Variants in ABCC2 observed in about 807,000 individuals in gnomAD.
ABCC2 encodes the protein ATP binding cassette subfamily C member 2.
Under a neutral mutation model 173.4 loss-of-function variants are expected in ABCC2, and 157 were observed. That is an observed-to-expected ratio of 0.91 (90% CI 0.80 to 1.03). ABCC2 has a LOEUF of 1.03. Ranked by LOEUF, ABCC2 falls within the 50% of genes least tolerant of loss-of-function variation. The pLI is 0.00. For missense variants in ABCC2, 1,822 were observed against 1,852.3 expected, an observed-to-expected ratio of 0.98 and a Z score of 0.30; for synonymous variants, 657 against 693.5, an observed-to-expected ratio of 0.95 and a Z score of 0.83.
At chr10:99,817,651 C>T (rs1038213563) in intron 17 of ABCC2, among the ~76,000 whole-genome samples, 167 bp downstream of exon 17, 5 of 152,088 alleles carry the variant, frequency 3.3e-5, no homozygotes, top group Non-Finnish European at 5.9e-5. Context: ...CACAATATTC[C>T]ATGTAAATAA....
Position 99,814,351 on chromosome 10 carries a change from G to A in ABCC2, c.2094+1207G>A, listed in dbSNP as rs543768750. Among the ~76,000 whole-genome samples, 120 of 131,020 alleles carry A rather than the reference G, an allele frequency of 9.2e-4. 6 individuals carry two copies. The highest frequency in any genetic ancestry group is 5.2e-3 in the South Asian group (21 of 4,054). The allele number at this position is 131,020 out of a possible 152,430, so 86.0% of individuals were successfully genotyped here. ...TATACACACATGTATATATACACAC[G>A]TATGTATACACACATGTATATATAC... On this transcript the variant is annotated intron_variant, in intron 16 of 31. Coordinates refer to ENST00000647814, the MANE Select transcript of ABCC2 (RefSeq NM_000392.5).
chr10:99,832,107 C>T lies in ABCC2; in HGVS notation c.3234C>T (p.Gly1078=). ...PMRFFDTTPT[G]RIVNRFAGDI... ...GATTTTTTGACACAACACCCACAGG[C>T]CGGATTGTGAACAGGTTTGCCGGCG... is the stretch of plus-strand genomic sequence containing the variant. Residue 1078 remains glycine (G), a synonymous_variant, in exon 23 of 32, where the codon GGC becomes GGT. Transcript: ENST00000647814. 5 of 1,614,158 alleles carry T rather than the reference C, an allele frequency of 3.1e-6. No individual in the cohort carries two copies. The highest frequency in any genetic ancestry group is 4.2e-6 in the Non-Finnish European group (5 of 1,180,018).
At chr10:99,798,812 G>A (rs181615325) in intron 7 of ABCC2, among the ~76,000 whole-genome samples, 8 of 152,074 alleles carry the variant, frequency 5.3e-5, no homozygotes, top group Admixed American at 4.6e-4. Flanking sequence ...ATAGCTTTTG[G>A]GGGTGGGGAT....
intron 28 of ABCC2, among the ~76,000 whole-genome samples, chr10:99,844,900 C>T (rs1175559185): frequency 2.6e-5 from 4 of 152,154 alleles, no homozygotes; most frequent in African/African-American, 4.8e-5. Context: ...TGTTGTTCTC[C>T]GAGGACTTGG....
In ABCC2 at chr10:99,831,688, G is replaced by A. The variant is rs755189568; in HGVS notation, c.2961G>A (p.Val987=). 6.2e-7 allele frequency: 1 copy of A among 1,614,194 alleles called. No homozygotes were observed. Among genetic ancestry groups the A allele is most frequent in the Non-Finnish European group, 8.5e-7 (1 of 1,180,030 alleles). ...FSIFFIILAF[V]MNSVAFIGSN... is the part of the protein sequence containing the mutation. Reference sequence around the variant, plus strand: ...TATTCTTCATCATCCTTGCGTTTGTGATGAATTCTGTGGCTTTTATTGGAT... The same window carrying A: ...TATTCTTCATCATCCTTGCGTTTGTAATGAATTCTGTGGCTTTTATTGGAT... Residue 987 remains valine, a synonymous_variant, in exon 22 of 32, where the codon GTG becomes GTA. Transcript: ENST00000647814.
chr10:99,828,253 C>T (rs1034566631), intron 19 of ABCC2, among the ~76,000 whole-genome samples: 2 of 151,936 alleles, frequency 1.3e-5, no homozygotes, highest in African/African-American at 4.8e-5. Context: ...TTCTGGTGAA[C>T]ACTGAGAGAA....
chr10:99,804,352 A>G (rs2133019065), intron 10 of ABCC2, 79 bp downstream of exon 10: 1 of 1,593,882 alleles, frequency 6.3e-7, no homozygotes, highest in South Asian at 1.1e-5. Flanking sequence ...CTAATTCTTA[A>G]TGGGAGTTTG....
intron 12 of ABCC2, 42 bp downstream of exon 12, chr10:99,807,563 C>G: frequency 6.2e-7 from 1 of 1,613,352 alleles, no homozygotes; most frequent in Non-Finnish European, 8.5e-7. Context: ...TTCACCTGGA[C>G]CTGCATCAGC....
intron 6 of ABCC2, 43 bp downstream of exon 6, chr10:99,794,511 TCA>T: frequency 6.5e-7 from 1 of 1,534,504 alleles, no homozygotes; most frequent in Non-Finnish European, 9.0e-7. Context: ...CCTTACTCTC[TCA>T]CTCCTCTGAA....
chr10:99,823,038 G>A (rs1002205045), intron 19 of ABCC2, among the ~76,000 whole-genome samples: 1 of 151,842 alleles, frequency 6.6e-6, no homozygotes, highest in South Asian at 2.1e-4. Flanking sequence ...ATGTGAATAA[G>A]TATCAACTAT....
At chr10:99,813,227 T>C (rs2038247818) in intron 16 of ABCC2, 83 bp downstream of exon 16, 19 of 1,527,220 alleles carry the variant, frequency 1.2e-5, no homozygotes, top group Non-Finnish European at 1.7e-5. Context: ...GAGAAGGCAC[T>C]GAGGGCTAGT....
intron 25 of ABCC2, among the ~76,000 whole-genome samples, chr10:99,836,987 GATATTTT>G (rs2038833931): frequency 6.6e-6 from 1 of 152,182 alleles, no homozygotes. Context: ...TGATTGTAAA[GATATTTT>G]ATTTCTTAGA....
Position 99,826,503 on chromosome 10 carries a change from G to A in ABCC2, c.2621-3804G>A, listed in dbSNP as rs1275628938. Among the ~76,000 whole-genome samples, 3 of 151,710 alleles carry A rather than the reference G, an allele frequency of 2.0e-5. No individual in the cohort carries two copies. The East Asian group carries it at 5.8e-4, about 29-fold the overall frequency. On this transcript the variant is annotated intron_variant, in intron 19 of 31. Transcript: ENST00000647814. ...ACCTTGTCTTACTGTATTAAATGAG[G>A]GGCAGGCGCTTCCTGGGTCTTGGAT...
intron 2 of ABCC2, among the ~76,000 whole-genome samples, chr10:99,785,492 T>C (rs2037691918): frequency 6.6e-6 from 1 of 151,424 alleles, no homozygotes; most frequent in African/African-American, 2.4e-5. Context: ...CTTTTCACTA[T>C]TTTTTTTTCT....
At chr10:99,825,324 C>A (rs2038616760) in intron 19 of ABCC2, among the ~76,000 whole-genome samples, 1 of 152,198 alleles carries the variant, frequency 6.6e-6, no homozygotes, top group African/African-American at 2.4e-5. Context: ...CCTATGCCGA[C>A]AAATCCTGTA....
chr10:99,785,416 T>A (rs566287003), intron 2 of ABCC2, among the ~76,000 whole-genome samples: 2 of 151,764 alleles, frequency 1.3e-5, no homozygotes, highest in African/African-American at 4.8e-5. Flanking sequence ...CAGGGAAGGG[T>A]CTTGTGGGAA....
chr10:99,786,915 T>C (rs1347182962), intron 2 of ABCC2, among the ~76,000 whole-genome samples: 1 of 151,900 alleles, frequency 6.6e-6, no homozygotes, highest in African/African-American at 2.4e-5. Flanking sequence ...AGGCAGAGAA[T>C]TGCTTGAACC....
rs186929380 is a variant in ABCC2 at position 99,852,507 on chromosome 10, T to G, written c.*876T>G. 2.8e-4 allele frequency among the ~76,000 whole-genome samples: 42 copies of G among 152,338 alleles called. No homozygotes were observed. Among genetic ancestry groups the G allele is most frequent in the African/African-American group, 9.6e-4 (40 of 41,582 alleles). On this transcript the variant is annotated 3_prime_UTR_variant, in exon 32 of 32. Coordinates refer to ENST00000647814, the MANE Select transcript of ABCC2 (RefSeq NM_000392.5). ...TTTGTTTATCTGTTGTTTCTGTTGG[T>G]TTTTACTCATGGTATTTTATTTCCT...
chr10:99,800,069 G>A (rs949179563), intron 8 of ABCC2, among the ~76,000 whole-genome samples: 6 of 152,182 alleles, frequency 3.9e-5, no homozygotes, highest in African/African-American at 7.2e-5. Context: ...ATGCGATGGC[G>A]TATGCCTGTA....
Sources: gnomAD v4.1 joint callset for allele counts (sites outside exome capture counted in the v4.1 genomes callset) on GRCh38, gnomAD v4.1.1 for gene constraint, MANE v1.5 for transcripts, NCBI Gene and HGNC (gene_info 2026-07-23, HGNC 2026-07-21) for gene names.